The following SLC4A10 variants were observed in gnomAD, a reference collection of about 807,000 sequenced individuals.
SLC4A10 encodes sodium-driven chloride bicarbonate exchanger.
Under a neutral mutation model 137.7 loss-of-function variants are expected in SLC4A10, and 42 were observed. That is an observed-to-expected ratio of 0.30 (90% CI 0.24 to 0.39). The LOEUF is 0.39. SLC4A10 is among the 10% of genes least tolerant of loss of function. The probability of loss-of-function intolerance (pLI) is 1.00; values close to 1 mark genes in which losing one functional copy is unlikely to be tolerated. For missense variants in SLC4A10, 925 were observed against 1,355.0 expected (o/e 0.68, Z 4.98); for synonymous variants, 474 against 464.1 (o/e 1.02, Z -0.27).
In SLC4A10 at chr2:161,947,676, T is replaced by G; in HGVS notation, c.2214T>G (p.Thr738=). The G allele has an allele frequency of 6.2e-7, 1 of 1,613,330 alleles. No individual in the cohort carries two copies. The highest frequency in any genetic ancestry group is 8.5e-7 in the Non-Finnish European group (1 of 1,179,388). Reference sequence around the variant, plus strand: ...TGATCCTGTTCTTTTCCACAGTTACTCTGTCAGCCACCCTGAAGCAGTTCA... The same window carrying G: ...TGATCCTGTTCTTTTCCACAGTTACGCTGTCAGCCACCCTGAAGCAGTTCA... The part of the protein sequence containing the change: ...WSVILFFSTV[T]LSATLKQFKT... Residue 738 remains threonine (T), a synonymous_variant, in exon 17 of 27, where the codon ACT becomes ACG. Transcript: ENST00000446997.
chr2:161,873,494 G>A (rs568835155), intron 7 of SLC4A10, among the ~76,000 whole-genome samples: 2 of 124,880 alleles, frequency 1.6e-5, no homozygotes, highest in East Asian at 2.7e-4. Context: ...TCGTGTCACT[G>A]CACTCCAGCC....
chr2:161,642,458 T>C (rs1294698915), intron 1 of SLC4A10, among the ~76,000 whole-genome samples: 3 of 152,024 alleles, frequency 2.0e-5, no homozygotes, highest in African/African-American at 7.2e-5. Flanking sequence ...AATTTATCAA[T>C]ACACATTTAC....
intron 2 of SLC4A10, among the ~76,000 whole-genome samples, chr2:161,789,464 C>A (rs1198588696): frequency 2.0e-5 from 3 of 151,920 alleles, no homozygotes. Flanking sequence ...GACCATTCAA[C>A]TGTAACTTTG....
At chr2:161,966,742 A>AC (rs773250952) in intron 23 of SLC4A10, among the ~76,000 whole-genome samples, 12 of 145,312 alleles carry the variant, frequency 8.3e-5, no homozygotes, top group South Asian at 2.3e-4. Flanking sequence ...TCTCAAAAAA[A>AC]AAAAAAACAA....
chr2:161,647,823 G>T (rs1295554757), intron 1 of SLC4A10, among the ~76,000 whole-genome samples: 1 of 152,152 alleles, frequency 6.6e-6, no homozygotes, highest in African/African-American at 2.4e-5. Flanking sequence ...CTGTCATCCA[G>T]ATGTCACAAA....
intron 2 of SLC4A10, among the ~76,000 whole-genome samples, chr2:161,779,017 T>C (rs2052707303): frequency 6.6e-6 from 1 of 152,084 alleles, no homozygotes; most frequent in Middle Eastern, 3.4e-3. Flanking sequence ...GTCACAGTCC[T>C]GTAGGCTGAG....
chr2:161,866,726 A>G (rs914238168), intron 6 of SLC4A10, among the ~76,000 whole-genome samples: 2 of 151,950 alleles, frequency 1.3e-5, no homozygotes, highest in African/African-American at 4.8e-5. Context: ...TTCTAAAACT[A>G]AAAATAAAAC....
chr2:161,949,069 T>C, intron 17 of SLC4A10, 79 bp from the exon 18 acceptor site: 1 of 852,314 alleles, frequency 1.2e-6, no homozygotes, highest in South Asian at 1.5e-5. Context: ...GTTTATAAAG[T>C]GTGACTCTAG....
intron 9 of SLC4A10, among the ~76,000 whole-genome samples, chr2:161,881,918 A>G (rs756311788): frequency 1.8e-4 from 28 of 151,902 alleles, no homozygotes; most frequent in Non-Finnish European, 2.8e-4. Context: ...TTTTGACTCT[A>G]TATTTTCTCT....
At chr2:161,656,194 G>A (rs911821373) in intron 1 of SLC4A10, among the ~76,000 whole-genome samples, 1 of 152,056 alleles carries the variant, frequency 6.6e-6, no homozygotes, top group African/African-American at 2.4e-5. Context: ...ATCAATAAAC[G>A]TGATATACCA....
chr2:161,929,372 A>C (rs376458703), intron 15 of SLC4A10, among the ~76,000 whole-genome samples: 3 of 152,220 alleles, frequency 2.0e-5, no homozygotes, highest in Admixed American at 2.0e-4. Flanking sequence ...GATGTTTTAA[A>C]TCAGAATTAT....
chr2:161,949,337 C>T, intron 18 of SLC4A10, 76 bp downstream of exon 18: 1 of 910,294 alleles, frequency 1.1e-6, no homozygotes, highest in Non-Finnish European at 1.7e-6. Flanking sequence ...AACTCTAGTA[C>T]TTAGGATTTT....
chr2:161,789,126 CAGTT>C (rs1191240295), intron 2 of SLC4A10, among the ~76,000 whole-genome samples: 1 of 152,220 alleles, frequency 6.6e-6, no homozygotes, highest in Non-Finnish European at 1.5e-5. Context: ...CCTGCCATCT[CAGTT>C]AGGGCCTGAG....
At chr2:161,928,018 C>G (rs1180831278) in intron 15 of SLC4A10, among the ~76,000 whole-genome samples, 1 of 144,020 alleles carries the variant, frequency 6.9e-6, no homozygotes, top group Non-Finnish European at 1.5e-5. Flanking sequence ...CATCCCATTA[C>G]TGGGTATATA....
intron 1 of SLC4A10, among the ~76,000 whole-genome samples, chr2:161,679,334 T>A (rs1030654502): frequency 1.3e-5 from 2 of 152,156 alleles, no homozygotes; most frequent in African/African-American, 4.8e-5. Context: ...CAAAATCTTT[T>A]TATTTAGTAA....
intron 1 of SLC4A10, among the ~76,000 whole-genome samples, chr2:161,664,896 T>G (rs1202864341): frequency 6.6e-6 from 1 of 151,844 alleles, no homozygotes; most frequent in East Asian, 1.9e-4. Flanking sequence ...TTTTGAAGCT[T>G]TGGCAAACAG....
intron 15 of SLC4A10, among the ~76,000 whole-genome samples, chr2:161,908,980 C>T (rs1455458158): frequency 6.7e-6 from 1 of 149,004 alleles, no homozygotes; most frequent in South Asian, 2.1e-4. Context: ...GGCCATGATC[C>T]CTGTCTGTCA....
rs547285188 is a variant in SLC4A10, at chr2:161,750,618, A to T, written c.49-20355A>T. Among the ~76,000 whole-genome samples, 3 of 151,934 alleles carry T rather than the reference A, an allele frequency of 2.0e-5. No individual in the cohort carries two copies. The East Asian group carries it at 5.8e-4, about 29-fold the overall frequency. On this transcript the variant is annotated intron_variant, in intron 1 of 26. Transcript: ENST00000446997. Reference sequence around the variant, plus strand: ...ATACTTGGTATAATTTGTCTTCTTAAATGTCTTAAGACTTGTTTTGTGACC... The same window carrying T: ...ATACTTGGTATAATTTGTCTTCTTATATGTCTTAAGACTTGTTTTGTGACC...
chr2:161,840,049 A>AGGCTAGATGAGCAACT, intron 4 of SLC4A10, 122 bp downstream of exon 4: 2 of 1,209,922 alleles, frequency 1.7e-6, no homozygotes, highest in South Asian at 1.4e-5. Context: ...GAAGTTGCTC[A>AGGCTAGATGAGCAACT]TCTAGCCTGA....
Sources: gnomAD v4.1 joint callset for allele counts (sites outside exome capture counted in the v4.1 genomes callset) on GRCh38, gnomAD v4.1.1 for gene constraint, MANE v1.5 for transcripts, NCBI Gene and HGNC (gene_info 2026-07-23, HGNC 2026-07-21) for gene names.